DIAPH1: variants seen among roughly 807,000 people sequenced by gnomAD.
DIAPH1 encodes the protein protein diaphanous homolog 1.
DIAPH1 carries 46 observed loss-of-function variants against 140.7 expected under a neutral mutation model. The observed-to-expected ratio is 0.33, with a 90% CI of 0.26 to 0.42. The LOEUF (loss-of-function observed/expected upper bound fraction) is 0.42, where lower values mean the gene tolerates loss of function less well. DIAPH1 is among the 10% of genes least tolerant of loss of function. DIAPH1 has a pLI of 1.00. For missense variants in DIAPH1, 1,310 were observed against 1,558.7 expected, an observed-to-expected ratio of 0.84 and a Z score of 2.69; for synonymous variants, 565 against 551.6, an observed-to-expected ratio of 1.02 and a Z score of -0.34.
At chr5:141,601,375 G>A (rs1236381614) in intron 1 of DIAPH1, among the ~76,000 whole-genome samples, 2 of 151,298 alleles carry the variant, frequency 1.3e-5, no homozygotes, top group South Asian at 2.1e-4. Context: ...TGCAACCTCC[G>A]CCTTCTAGGT....
rs1023378015 is a variant in DIAPH1, at chr5:141,515,470, G to C, written c.*1381C>G. 2 of 152,214 alleles carry C rather than the reference G, an allele frequency of 1.3e-5. No homozygotes were observed. Among genetic ancestry groups the C allele is most frequent in the African/African-American group, 4.8e-5 (2 of 41,434 alleles). The allele number at this position is 152,214 out of a possible 1,614,324, so 9.4% of individuals were successfully genotyped here. A position where few individuals can be genotyped will look rare whatever the true frequency, so the allele number is the denominator to read the frequency against. ...TAGCTGGGGATGGAAAGCTGAGAGG[G>C]GCACAAGGAGGGCAAAAGTATCACC... is the stretch of plus-strand genomic sequence containing the variant. On this transcript the variant is annotated 3_prime_UTR_variant, in exon 28 of 28. Transcript: ENST00000389054.
At chr5:141,518,619 C>A (rs150946030) in intron 27 of DIAPH1, 370 of 296,976 alleles carry the variant, frequency 1.2e-3, no homozygotes, top group African/African-American at 7.5e-3. Context: ...ACCTCCCAGG[C>A]TCAAGTGATC....
At chr5:141,602,598 C>T (rs983027197) in intron 1 of DIAPH1, among the ~76,000 whole-genome samples, 2 of 152,116 alleles carry the variant, frequency 1.3e-5, no homozygotes, top group Admixed American at 6.5e-5. Context: ...TTTCAGTCTT[C>T]CTATCTCTAG....
chr5:141,559,409 G>C (rs979245155), intron 18 of DIAPH1, among the ~76,000 whole-genome samples: 1 of 152,134 alleles, frequency 6.6e-6, no homozygotes, highest in African/African-American at 2.4e-5. Context: ...CACAGAACTA[G>C]ACCATTACAG....
At chr5:141,592,846 T>C (rs1285525069) in intron 1 of DIAPH1, among the ~76,000 whole-genome samples, 1 of 152,174 alleles carries the variant, frequency 6.6e-6, no homozygotes, top group African/African-American at 2.4e-5. Flanking sequence ...AATATCCAAA[T>C]CTGGCTTAGG....
At chr5:141,541,452 C>T (rs1468559652) in intron 18 of DIAPH1, among the ~76,000 whole-genome samples, 1 of 152,008 alleles carries the variant, frequency 6.6e-6, no homozygotes, top group African/African-American at 2.4e-5. Context: ...CTTTGGGAGG[C>T]CAAGGCAGGT....
At chr5:141,597,208 C>T (rs1221207226) in intron 1 of DIAPH1, among the ~76,000 whole-genome samples, 1 of 152,084 alleles carries the variant, frequency 6.6e-6, no homozygotes, top group Non-Finnish European at 1.5e-5. Flanking sequence ...TATTCAAAGG[C>T]ATATAATGGT....
chr5:141,558,338 G>C (rs1031057086), intron 18 of DIAPH1: 1 of 152,080 alleles, frequency 6.6e-6, no homozygotes, highest in Admixed American at 6.5e-5. Context: ...CTTCAATAAT[G>C]GACTAATGAC....
At chr5:141,535,309 T>C (rs374093370) in intron 18 of DIAPH1, among the ~76,000 whole-genome samples, 23 of 152,216 alleles carry the variant, frequency 1.5e-4, no homozygotes, top group African/African-American at 5.5e-4. Context: ...CAACTGCCTA[T>C]GATTGAGGTA....
chr5:141,572,980 G>T (rs1463033625), intron 16 of DIAPH1, among the ~76,000 whole-genome samples: 1 of 152,124 alleles, frequency 6.6e-6, no homozygotes, highest in Non-Finnish European at 1.5e-5. Context: ...AGAATACAGG[G>T]TTCACAGAAC....
chr5:141,541,152 T>C (rs768383401), intron 18 of DIAPH1, among the ~76,000 whole-genome samples: 2 of 152,170 alleles, frequency 1.3e-5, no homozygotes, highest in Non-Finnish European at 2.9e-5. Context: ...AGAAACATCA[T>C]GATTTCAGAG....
chr5:141,527,518 A>T (rs369611374), intron 24 of DIAPH1, 55 bp downstream of exon 24: 12 of 1,603,062 alleles, frequency 7.5e-6, no homozygotes, highest in Admixed American at 1.7e-5. Context: ...CCCCCACTAC[A>T]GGAAGTTTTC....
Position 141,573,715 on chromosome 5 carries a change from C to T in DIAPH1, c.2135G>A (p.Gly712Glu), listed in dbSNP as rs776664827. The T allele has an allele frequency of 3.2e-6, 5 of 1,576,024 alleles. No homozygotes were observed. In the East Asian group the frequency reaches 9.2e-5, roughly 29 times the overall value. ...AAGAGGGGGAGGAGGAGGTGGCATT[C>T]CTGCTTCTCCAGGCAAGGGAGGAGG... is the stretch of plus-strand genomic sequence containing the variant. Reference protein sequence around the residue: ...PPPPPLPGEAGMPPPPPPLPG... With the variant: ...PPPPPLPGEAEMPPPPPPLPG... The change falls in exon 16 of 28, where the codon GGA becomes GAA. Residue 712 changes from glycine (G) to glutamate (E), a missense_variant. By Grantham distance (98) the Gly-to-Glu change is moderately conservative. Coordinates refer to ENST00000389054, the MANE Select transcript of DIAPH1 (RefSeq NM_005219.5).
intron 16 of DIAPH1, among the ~76,000 whole-genome samples, chr5:141,572,437 GA>G: frequency 6.6e-6 from 1 of 152,180 alleles, no homozygotes; most frequent in South Asian, 2.1e-4. Context: ...GTTTCTAGAA[GA>G]AAAAGGCTAA....
chr5:141,599,848 A>G (rs1224768784), intron 1 of DIAPH1, among the ~76,000 whole-genome samples: 1 of 152,174 alleles, frequency 6.6e-6, no homozygotes, highest in Non-Finnish European at 1.5e-5. Flanking sequence ...CTGTGATTAG[A>G]TTACATTTTA....
chr5:141,604,150 C>T (rs2099900583), intron 1 of DIAPH1, among the ~76,000 whole-genome samples: 1 of 152,206 alleles, frequency 6.6e-6, no homozygotes, highest in South Asian at 2.1e-4. Flanking sequence ...GTGTAGCAGG[C>T]ACACCGGTAT....
rs75270905 is a variant in DIAPH1 at position 141,553,653 on chromosome 5, C to T, written c.2482+17775G>A. 8.8e-3 allele frequency among the ~76,000 whole-genome samples: 1,340 copies of T among 151,698 alleles called. 107 individuals are homozygous for T. In the East Asian group the frequency reaches 0.21, roughly 24 times the overall value. On this transcript the variant is annotated intron_variant, in intron 18 of 27. Coordinates refer to ENST00000389054, the MANE Select transcript of DIAPH1 (RefSeq NM_005219.5). Reference sequence around the variant, plus strand: ...AGCAAAACTCTATCTCAAAAAAACCCCCCAAGAAAACATCGTCTCAAATGC... The same window carrying T: ...AGCAAAACTCTATCTCAAAAAAACCTCCCAAGAAAACATCGTCTCAAATGC...
intron 18 of DIAPH1, among the ~76,000 whole-genome samples, chr5:141,546,761 GACT>G (rs1443066524): frequency 3.3e-5 from 5 of 152,194 alleles, no homozygotes; most frequent in Non-Finnish European, 7.4e-5. Flanking sequence ...GCCTTAGAAA[GACT>G]ACACTCTAGG....
intron 18 of DIAPH1, among the ~76,000 whole-genome samples, chr5:141,543,724 A>G (rs250789): frequency 1.3e-5 from 2 of 152,212 alleles, no homozygotes; most frequent in South Asian, 2.1e-4. Context: ...CCAACTTAAC[A>G]ATATTTTCGA....
Sources: allele counts gnomAD v4.1 joint callset (sites outside exome capture counted in the v4.1 genomes callset), GRCh38; gene constraint gnomAD v4.1.1; transcripts MANE v1.5; gene names NCBI Gene and HGNC (gene_info 2026-07-23, HGNC 2026-07-21).